The following PTPRT variants were observed in gnomAD, a reference collection of about 807,000 sequenced individuals.
PTPRT encodes the protein protein tyrosine phosphatase receptor type T.
PTPRT carries 56 observed loss-of-function variants against 176.8 expected under a neutral mutation model. The ratio of observed to expected loss-of-function variants is 0.32; its 90% CI spans 0.26 to 0.40. The LOEUF (loss-of-function observed/expected upper bound fraction) is 0.40, where lower values mean the gene tolerates loss of function less well. Ranked by LOEUF, PTPRT falls within the 10% of genes least tolerant of loss-of-function variation. The pLI is 1.00. For missense variants in PTPRT, 1,540 were observed against 1,908.2 expected, an observed-to-expected ratio of 0.81 and a Z score of 3.60; for synonymous variants, 783 against 739.0, an observed-to-expected ratio of 1.06 and a Z score of -0.96.
chr20:42,979,999 G>A (rs996978983), intron 1 of PTPRT, among the ~76,000 whole-genome samples: 39 of 130,206 alleles, frequency 3.0e-4, no homozygotes, highest in African/African-American at 1.1e-3. Context: ...GTGGGGGGGG[G>A]TCTTCCTGAG....
At chr20:42,605,687 T>C (rs1373062110) in intron 7 of PTPRT, among the ~76,000 whole-genome samples, 1 of 152,196 alleles carries the variant, frequency 6.6e-6, no homozygotes, top group Non-Finnish European at 1.5e-5. Flanking sequence ...CAAAGACCGA[T>C]CTGCACAGGA....
chr20:42,910,503 T>C (rs2079530907), intron 1 of PTPRT, among the ~76,000 whole-genome samples: 1 of 152,170 alleles, frequency 6.6e-6, no homozygotes, highest in African/African-American at 2.4e-5. Context: ...GAAATGATGT[T>C]GACAGGATGA....
At chr20:42,773,594 G>A (rs2145472594) in intron 4 of PTPRT, among the ~76,000 whole-genome samples, 1 of 152,322 alleles carries the variant, frequency 6.6e-6, no homozygotes, top group Middle Eastern at 3.4e-3. Context: ...GGGCTTTTCA[G>A]AGTTGAAAAT....
chr20:42,746,860 G>A (rs533705223), intron 6 of PTPRT, among the ~76,000 whole-genome samples: 57 of 152,244 alleles, frequency 3.7e-4, no homozygotes, highest in African/African-American at 1.3e-3. Context: ...CTAAGTTGGA[G>A]CATATATGAT....
chr20:42,867,435 T>G (rs2078766799), intron 2 of PTPRT, among the ~76,000 whole-genome samples: 1 of 146,054 alleles, frequency 6.8e-6, no homozygotes, highest in South Asian at 2.3e-4. Context: ...TAGAGTACAC[T>G]GTACTGAGAA....
intron 2 of PTPRT, among the ~76,000 whole-genome samples, chr20:42,828,852 GC>G (rs2078040616): frequency 1.3e-5 from 2 of 152,174 alleles, no homozygotes; most frequent in African/African-American, 4.8e-5. Context: ...CAGTAGTGGA[GC>G]CCTCATAGAG....
At chr20:42,776,864 A>G (rs976290754) in intron 4 of PTPRT, among the ~76,000 whole-genome samples, 1 of 149,152 alleles carries the variant, frequency 6.7e-6, no homozygotes, top group African/African-American at 2.4e-5. Context: ...GTACAATTAT[A>G]TAATATATAG....
chr20:42,778,477 C>T (rs1057364288), intron 4 of PTPRT, among the ~76,000 whole-genome samples: 3 of 152,108 alleles, frequency 2.0e-5, no homozygotes, highest in Non-Finnish European at 4.4e-5. Flanking sequence ...GTCCAAGCAT[C>T]CAGCACAAAG....
chr20:42,295,869 T>C (rs2145285628), intron 12 of PTPRT, among the ~76,000 whole-genome samples: 1 of 152,316 alleles, frequency 6.6e-6, no homozygotes, highest in East Asian at 1.9e-4. Flanking sequence ...GATGGTTTTA[T>C]AAGGGGCTCT....
chr20:42,817,206 G>T (rs2077802011), intron 2 of PTPRT, among the ~76,000 whole-genome samples: 1 of 152,140 alleles, frequency 6.6e-6, no homozygotes, highest in Non-Finnish European at 1.5e-5. Context: ...AGCACTTTAA[G>T]TAAACTACTT....
chr20:42,121,220 C>T (rs1276263491), intron 19 of PTPRT, among the ~76,000 whole-genome samples: 1 of 152,204 alleles, frequency 6.6e-6, no homozygotes, highest in African/African-American at 2.4e-5. Context: ...ATTTTGCAGG[C>T]ACCTTCCAAT....
chr20:43,121,435 AG>A (rs2013253297), intron 1 of PTPRT, among the ~76,000 whole-genome samples: 1 of 152,232 alleles, frequency 6.6e-6, no homozygotes, highest in Non-Finnish European at 1.5e-5. Flanking sequence ...TTATCCTTCC[AG>A]TAGCGATGTA....
the PTPRT span, among the ~76,000 whole-genome samples, chr20:42,036,781 A>G: frequency 6.6e-6 from 1 of 152,194 alleles, no homozygotes; most frequent in Non-Finnish European, 1.5e-5. Flanking sequence ...GAGGAGACCC[A>G]GGGAGTACTC....
chr20:43,054,082 C>A (rs923243148), intron 1 of PTPRT, among the ~76,000 whole-genome samples: 1 of 152,156 alleles, frequency 6.6e-6, no homozygotes, highest in Non-Finnish European at 1.5e-5. Flanking sequence ...CCACAAGAAG[C>A]CTCAGCTCAA....
At chr20:42,484,969 C>A (rs2071443164) in intron 7 of PTPRT, among the ~76,000 whole-genome samples, 1 of 152,184 alleles carries the variant, frequency 6.6e-6, no homozygotes, top group Non-Finnish European at 1.5e-5. Flanking sequence ...CAGATGCAGT[C>A]CCCTGGACTG....
At chr20:42,873,604 C>T (rs1386384726) in intron 2 of PTPRT, among the ~76,000 whole-genome samples, 1 of 152,102 alleles carries the variant, frequency 6.6e-6, no homozygotes, top group East Asian at 1.9e-4. Context: ...ATTTATCTAA[C>T]CCAATACATC....
At chr20:42,657,568 T>TG (rs34227148) in intron 7 of PTPRT, among the ~76,000 whole-genome samples, 1 of 152,010 alleles carries the variant, frequency 6.6e-6, no homozygotes, top group South Asian at 2.1e-4. Context: ...TATGGCTTTG[T>TG]GGGGGGGAAA....
chr20:42,585,625 CA>C (rs1440782227), intron 7 of PTPRT, among the ~76,000 whole-genome samples: 3 of 152,064 alleles, frequency 2.0e-5, no homozygotes, highest in South Asian at 2.1e-4. Flanking sequence ...TAAATTCCTA[CA>C]GCAATCCTAT....
chr20:42,160,686 C>T (rs1989556186), intron 17 of PTPRT, among the ~76,000 whole-genome samples: 1 of 152,148 alleles, frequency 6.6e-6, no homozygotes, highest in South Asian at 2.1e-4. Context: ...TGCTGCCTGT[C>T]CTTTACTGCA....
Sources: gnomAD v4.1 joint callset for allele counts (sites outside exome capture counted in the v4.1 genomes callset) on GRCh38, gnomAD v4.1.1 for gene constraint, MANE v1.5 for transcripts, NCBI Gene and HGNC (gene_info 2026-07-23, HGNC 2026-07-21) for gene names.